TRIM49C: variants seen among roughly 807,000 people sequenced by gnomAD.
TRIM49C encodes tripartite motif-containing protein 49C.
A neutral mutation model predicts 21.4 loss-of-function variants in TRIM49C; 6 were observed. The observed-to-expected ratio is 0.28, with a 90% confidence interval of 0.15 to 0.55. TRIM49C has a LOEUF of 0.55. Ranked by LOEUF, TRIM49C falls within the 20% of genes least tolerant of loss-of-function variation. The probability of loss-of-function intolerance (pLI) is 0.94; values close to 1 mark genes in which losing one functional copy is unlikely to be tolerated. For missense variants in TRIM49C, 161 were observed against 442.4 expected (o/e 0.36, Z 5.71); for synonymous variants, 57 against 148.1 (o/e 0.38, Z 4.47).
At chr11:90,035,075 C>T in intron 2 of TRIM49C, 133 bp from the exon 3 acceptor site, 1 of 825,460 alleles carries the variant, frequency 1.2e-6, no homozygotes. Context: ...AAGTTTGTAA[C>T]AGAAGAAATA....
At chr11:90,071,855 C>T in the TRIM49C span, 2 of 664,478 alleles carry the variant, frequency 3.0e-6, no homozygotes, top group African/African-American at 1.8e-5. Context: ...TTTCTATGGG[C>T]AGCCTTCCCA....
At chr11:90,037,390 C>G (rs1189444660) in intron 4 of TRIM49C, among the ~76,000 whole-genome samples, 2 of 133,494 alleles carry the variant, frequency 1.5e-5, no homozygotes, top group Non-Finnish European at 3.2e-5. Context: ...TTGCATATCT[C>G]AGAAATAGAA....
the TRIM49C span, among the ~76,000 whole-genome samples, chr11:90,069,094 G>GTTTTGT: frequency 6.1e-4 from 79 of 130,212 alleles, 8 homozygotes; most frequent in South Asian, 1.1e-3. Context: ...TTTTTGTTTT[G>GTTTTGT]TTTTGTTTTT....
chr11:90,046,096 A>G (rs1425353335), downstream of TRIM49C, among the ~76,000 whole-genome samples: 2 of 121,782 alleles, frequency 1.6e-5, 1 homozygote, highest in African/African-American at 6.6e-5. Context: ...TGATTTGCGT[A>G]TGTTGAACCA....
the TRIM49C span, among the ~76,000 whole-genome samples, chr11:90,056,244 G>A: frequency 2.2e-5 from 3 of 138,032 alleles, no homozygotes; most frequent in Non-Finnish European, 3.2e-5. Flanking sequence ...ACAGGCGTGA[G>A]CCACCGCGCC....
the TRIM49C span, among the ~76,000 whole-genome samples, chr11:90,055,990 G>T: frequency 1.9e-5 from 2 of 105,326 alleles, no homozygotes; most frequent in Middle Eastern, 5.2e-3. Context: ...ACGGAGTCCC[G>T]CTCTTTAGCC....
At chr11:90,046,537 T>G (rs1950802763), downstream of TRIM49C, among the ~76,000 whole-genome samples, 1 of 122,744 alleles carries the variant, frequency 8.1e-6, no homozygotes, top group African/African-American at 3.3e-5. Context: ...TCTTCTAGAT[T>G]TTCTAGTTTA....
At chr11:90,048,450 A>C in the TRIM49C span, among the ~76,000 whole-genome samples, 1 of 122,142 alleles carries the variant, frequency 8.2e-6, no homozygotes, top group Admixed American at 9.2e-5. Context: ...TATTTCTTGG[A>C]GGCTTTGTTC....
intron 6 of TRIM49C, among the ~76,000 whole-genome samples, 193 bp downstream of exon 6, chr11:90,038,908 A>G (rs1950746494): frequency 7.3e-6 from 1 of 136,360 alleles, no homozygotes; most frequent in South Asian, 2.5e-4. Context: ...ACTAAAACAA[A>G]CAATTTGATT....
At position 90,041,342 on chromosome 11, in the gene TRIM49C, A is replaced by G; in HGVS notation, c.1151A>G (p.Lys384Arg). The change falls in exon 8 of 8, where the codon AAG (lysine) becomes AGG (arginine). Residue 384 changes from lysine (K) to arginine (R), a missense_variant. Transcript: ENST00000448984. ...KEGLFLLGCI[K>R]NDIQCSLFTT... The stretch of plus-strand genomic sequence containing the variant: ...GGACTCTTTCTTCTTGGGTGTATTA[A>G]GAATGACATTCAATGCAGTCTCTTT... 1 of 1,590,206 alleles carries G rather than the reference A, an allele frequency of 6.3e-7. No individual in the cohort carries two copies. Among genetic ancestry groups the G allele is most frequent in the Non-Finnish European group, 8.6e-7 (1 of 1,165,072 alleles).
the TRIM49C span, among the ~76,000 whole-genome samples, chr11:90,049,112 A>T: frequency 8.0e-6 from 1 of 124,702 alleles, no homozygotes; most frequent in Admixed American, 9.0e-5. Flanking sequence ...TTGCTGCCTG[A>T]TCGCTCCTCT....
chr11:90,056,153 G>A, the TRIM49C span, among the ~76,000 whole-genome samples: 2 of 135,484 alleles, frequency 1.5e-5, no homozygotes, highest in African/African-American at 2.6e-5. Context: ...GTAGAGACGG[G>A]GTTTCACCGT....
the TRIM49C span, among the ~76,000 whole-genome samples, chr11:90,059,747 C>A: frequency 3.0e-5 from 4 of 131,360 alleles, no homozygotes; most frequent in African/African-American, 1.2e-4. Context: ...CTAATTCCAG[C>A]CTGAGAACCT....
downstream of TRIM49C, among the ~76,000 whole-genome samples, chr11:90,046,139 C>T (rs1950800031): frequency 8.2e-6 from 1 of 122,394 alleles, no homozygotes; most frequent in Non-Finnish European, 1.7e-5. Context: ...CCCACTTGCT[C>T]TTGGTGGATA....
At chr11:90,042,170 A>T (rs1452423189), downstream of TRIM49C, 6 of 145,462 alleles carry the variant, frequency 4.1e-5, no homozygotes, top group African/African-American at 7.8e-5. Flanking sequence ...TTTAAAAAGT[A>T]ACTAAATATT....
At chr11:90,072,391 T>G in the TRIM49C span, among the ~76,000 whole-genome samples, 2 of 148,798 alleles carry the variant, frequency 1.3e-5, 1 homozygote, top group South Asian at 4.5e-4. Flanking sequence ...GAATCTGGCA[T>G]GAAAGTCAGA....
chr11:90,059,916 T>A, the TRIM49C span, among the ~76,000 whole-genome samples: 2 of 144,316 alleles, frequency 1.4e-5, 1 homozygote, highest in Non-Finnish European at 3.0e-5. Flanking sequence ...TCTTTTTTTT[T>A]TTTTAACCTC....
At chr11:90,069,334 A>G in the TRIM49C span, among the ~76,000 whole-genome samples, 1 of 129,818 alleles carries the variant, frequency 7.7e-6, no homozygotes, top group South Asian at 2.8e-4. Context: ...GGATGGTCTC[A>G]ATCTCCTGAC....
rs867384752 is a variant in TRIM49C, at chr11:90,033,794, A to G, written c.-5+1212A>G. 1.7e-4 allele frequency among the ~76,000 whole-genome samples: 21 copies of G among 127,152 alleles called. 2 individuals are homozygous for G. Among genetic ancestry groups the G allele is most frequent in the Admixed American group, 7.4e-4 (8 of 10,768 alleles). 83.4% of individuals were successfully genotyped at this position (127,152 alleles called of 152,430 possible). ...CCCCATCTCTACTAAAAAAATACAA[A>G]AATTAGCCAGGCCTAGTGTCACGTT... On this transcript the variant is annotated intron_variant, in intron 2 of 7. Transcript: ENST00000448984.
Sources: allele counts gnomAD v4.1 joint callset (sites outside exome capture counted in the v4.1 genomes callset), GRCh38; gene constraint gnomAD v4.1.1; transcripts MANE v1.5; gene names NCBI Gene and HGNC (gene_info 2026-07-23, HGNC 2026-07-21).